Variants in ITPR2 observed in about 807,000 individuals in gnomAD.
ITPR2 encodes the protein inositol 1,4,5-trisphosphate receptor type 2, also known as inositol 1,4,5-trisphosphate-gated calcium channel ITPR2.
A neutral mutation model predicts 317.1 loss-of-function variants in ITPR2; 207 were observed. That is an observed-to-expected ratio of 0.65 (90% CI 0.58 to 0.73). The LOEUF (loss-of-function observed/expected upper bound fraction) is 0.73. Ranked by LOEUF, ITPR2 falls within the 30% of genes least tolerant of loss-of-function variation. The pLI is 0.00. For synonymous variants in ITPR2, 1,156 were observed against 1,149.1 expected, an observed-to-expected ratio of 1.01 and a Z score of -0.12; for missense variants, 2,613 against 3,284.0, an observed-to-expected ratio of 0.80 and a Z score of 4.99.
chr12:26,764,988 C>T (rs1360951582), intron 2 of ITPR2, among the ~76,000 whole-genome samples: 1 of 151,898 alleles, frequency 6.6e-6, no homozygotes, highest in Non-Finnish European at 1.5e-5. Flanking sequence ...TTTGGGCTAC[C>T]CTAAAACTCA....
intron 49 of ITPR2, among the ~76,000 whole-genome samples, chr12:26,423,521 AAG>A (rs1039101398): frequency 5.9e-5 from 9 of 152,200 alleles, no homozygotes; most frequent in African/African-American, 2.2e-4. Context: ...AGAAGTTTAA[AAG>A]ATCTTTTTGT....
chr12:26,458,569 G>C (rs75805481), intron 45 of ITPR2, among the ~76,000 whole-genome samples: 3 of 152,126 alleles, frequency 2.0e-5, no homozygotes, highest in Non-Finnish European at 4.4e-5. Flanking sequence ...TGTTAAACAC[G>C]AGGGCGTCAT....
At chr12:26,812,496 G>A (rs898476015) in intron 1 of ITPR2, among the ~76,000 whole-genome samples, 80 of 151,760 alleles carry the variant, frequency 5.3e-4, no homozygotes, top group Admixed American at 9.2e-4. Flanking sequence ...GGAGAATGGC[G>A]TGAACCCGTG....
At chr12:26,753,749 G>C (rs1463090987) in intron 2 of ITPR2, among the ~76,000 whole-genome samples, 1 of 152,178 alleles carries the variant, frequency 6.6e-6, no homozygotes, top group Non-Finnish European at 1.5e-5. Context: ...ATCAAGAGAG[G>C]TACATTAGGA....
intron 21 of ITPR2, among the ~76,000 whole-genome samples, chr12:26,640,479 C>G (rs757945491): frequency 4.6e-5 from 7 of 151,950 alleles, no homozygotes; most frequent in Non-Finnish European, 4.4e-5. Context: ...AAATTCATTT[C>G]ACTCAATAAA....
At chr12:26,430,472 C>G (rs1358393145) in intron 48 of ITPR2, among the ~76,000 whole-genome samples, 4 of 152,176 alleles carry the variant, frequency 2.6e-5, no homozygotes, top group African/African-American at 9.7e-5. Flanking sequence ...CCCTGTTGGC[C>G]AGGCTGGTCT....
chr12:26,432,814 T>G (rs1941246918), intron 48 of ITPR2, among the ~76,000 whole-genome samples: 1 of 152,186 alleles, frequency 6.6e-6, no homozygotes, highest in East Asian at 1.9e-4. Context: ...CTGGAGACCT[T>G]TCAAGTTGGA....
intron 54 of ITPR2, among the ~76,000 whole-genome samples, chr12:26,395,438 G>A (rs952174607): frequency 5.3e-5 from 8 of 152,048 alleles, no homozygotes; most frequent in Non-Finnish European, 1.0e-4. Flanking sequence ...AGGAATCTTG[G>A]GTAAGCAATG....
At chr12:26,734,309 C>T (rs1302149820) in intron 2 of ITPR2, among the ~76,000 whole-genome samples, 1 of 152,170 alleles carries the variant, frequency 6.6e-6, no homozygotes, top group African/African-American at 2.4e-5. Context: ...CATTGAGGTA[C>T]ATTCACTGAA....
At chr12:26,420,194 G>A (rs1940847306) in intron 49 of ITPR2, among the ~76,000 whole-genome samples, 1 of 152,094 alleles carries the variant, frequency 6.6e-6, no homozygotes, top group African/African-American at 2.4e-5. Context: ...AAACCAAAGA[G>A]CCAATTTTGT....
chr12:26,370,032 C>G (rs1207861353), intron 55 of ITPR2, among the ~76,000 whole-genome samples: 2 of 152,154 alleles, frequency 1.3e-5, no homozygotes, highest in Non-Finnish European at 2.9e-5. Flanking sequence ...GTGTTCAAAA[C>G]CCACTCAGAT....
At chr12:26,657,637 C>T (rs1947400852) in intron 18 of ITPR2, 70 bp downstream of exon 18, 1 of 1,351,430 alleles carries the variant, frequency 7.4e-7, no homozygotes, top group Admixed American at 1.9e-5. Context: ...TAACTAGTGG[C>T]TACAGAGAAC....
At chr12:26,737,909 AG>A (rs1489668519) in intron 2 of ITPR2, among the ~76,000 whole-genome samples, 1 of 152,190 alleles carries the variant, frequency 6.6e-6, no homozygotes, top group Non-Finnish European at 1.5e-5. Context: ...TTGTCACTTA[AG>A]TTTTTAGTTT....
chr12:26,814,095 T>C (rs1280286103), intron 1 of ITPR2, among the ~76,000 whole-genome samples: 1 of 152,176 alleles, frequency 6.6e-6, no homozygotes, highest in African/African-American at 2.4e-5. Context: ...ATAGTGTTTT[T>C]TTCTGGAGTT....
rs549709984 is a variant in ITPR2, at chr12:26,456,968, G to A, written c.6343-13318C>T. On this transcript the variant is annotated intron_variant, in intron 45 of 56. Coordinates refer to ENST00000381340, the MANE Select transcript of ITPR2 (RefSeq NM_002223.4). Reference sequence around the variant, plus strand: ...ATTACAGGTGCGAGCCACCATCCCAGCCTCTAGTAACAATTCTATAATTGT... The same window carrying A: ...ATTACAGGTGCGAGCCACCATCCCAACCTCTAGTAACAATTCTATAATTGT... 9.3e-4 allele frequency among the ~76,000 whole-genome samples: 141 copies of A among 152,272 alleles called. 1 individual carries two copies. Among genetic ancestry groups the A allele is most frequent in the African/African-American group, 3.1e-3 (130 of 41,570 alleles).
intron 9 of ITPR2, among the ~76,000 whole-genome samples, chr12:26,710,004 C>T (rs55810751): frequency 0.1 from 15,275 of 152,172 alleles, 873 homozygotes; most frequent in South Asian, 0.23. Context: ...TTTGGGAGGC[C>T]GAGGCAGGCG....
intron 2 of ITPR2, among the ~76,000 whole-genome samples, chr12:26,745,130 C>T (rs1949297271): frequency 6.6e-6 from 1 of 152,186 alleles, no homozygotes; most frequent in Admixed American, 6.5e-5. Context: ...TTGATGTTAT[C>T]CAGGAATGAC....
At chr12:26,628,330 A>G (rs1030228498) in intron 22 of ITPR2, among the ~76,000 whole-genome samples, 168 bp from the exon 23 acceptor site, 1 of 152,224 alleles carries the variant, frequency 6.6e-6, no homozygotes, top group Non-Finnish European at 1.5e-5. Flanking sequence ...AAGCAAGGGA[A>G]TTCATTTCTA....
intron 37 of ITPR2, among the ~76,000 whole-genome samples, chr12:26,541,486 ATAT>A (rs1944260628): frequency 6.6e-6 from 1 of 152,238 alleles, no homozygotes; most frequent in Non-Finnish European, 1.5e-5. Context: ...TTAATAAGAA[ATAT>A]TATAAAATAC....
Sources: gnomAD v4.1 joint callset for allele counts (sites outside exome capture counted in the v4.1 genomes callset) on GRCh38, gnomAD v4.1.1 for gene constraint, MANE v1.5 for transcripts, NCBI Gene and HGNC (gene_info 2026-07-23, HGNC 2026-07-21) for gene names.